The following RPS6KC1 variants were observed in gnomAD, a reference collection of about 807,000 sequenced individuals.
RPS6KC1 encodes ribosomal protein S6 kinase C1.
Under a neutral mutation model 103.8 loss-of-function variants are expected in RPS6KC1, and 54 were observed. The ratio of observed to expected loss-of-function variants is 0.52; its 90% confidence interval spans 0.42 to 0.65. RPS6KC1 has a LOEUF of 0.65. Among genes scored for constraint, RPS6KC1 ranks in the 30% least tolerant of loss-of-function variants. The pLI, the probability that RPS6KC1 is intolerant of heterozygous loss-of-function variation, is 0.00. For missense variants in RPS6KC1, 1,151 were observed against 1,253.8 expected (o/e 0.92, Z 1.24); for synonymous variants, 439 against 438.7 (o/e 1.00, Z -0.01).
chr1:213,563,740 A>C, the RPS6KC1 span, among the ~76,000 whole-genome samples: 1 of 152,110 alleles, frequency 6.6e-6, no homozygotes, highest in Non-Finnish European at 1.5e-5. Context: ...CTTGAATTCT[A>C]CCTGTCTTCC....
intron 8 of RPS6KC1, among the ~76,000 whole-genome samples, chr1:213,192,049 C>G (rs1490193316): frequency 2.0e-5 from 3 of 152,070 alleles, no homozygotes; most frequent in Non-Finnish European, 4.4e-5. Flanking sequence ...CCACTGCACC[C>G]AGCTGAGGTA....
chr1:213,351,852 A>G, the RPS6KC1 span, among the ~76,000 whole-genome samples: 1 of 152,170 alleles, frequency 6.6e-6, no homozygotes, highest in African/African-American at 2.4e-5. Context: ...GGATTTAACT[A>G]TCTACTTGAT....
the RPS6KC1 span, among the ~76,000 whole-genome samples, chr1:213,437,232 A>G: frequency 1.5e-4 from 23 of 152,090 alleles, no homozygotes; most frequent in African/African-American, 5.5e-4. Context: ...GGTGTTGGAT[A>G]TTATTAAATG....
chr1:213,784,662 C>T, the RPS6KC1 span, among the ~76,000 whole-genome samples: 7 of 152,136 alleles, frequency 4.6e-5, no homozygotes, highest in African/African-American at 7.2e-5. Context: ...CAGAACAATG[C>T]CCACATCTCT....
chr1:213,796,251 G>A, the RPS6KC1 span, among the ~76,000 whole-genome samples: 1 of 152,104 alleles, frequency 6.6e-6, no homozygotes, highest in East Asian at 1.9e-4. Flanking sequence ...AGTTCACAGC[G>A]GTCCATGACA....
At chr1:213,828,667 T>TA in the RPS6KC1 span, among the ~76,000 whole-genome samples, 3 of 152,134 alleles carry the variant, frequency 2.0e-5, no homozygotes, top group African/African-American at 7.2e-5. Context: ...AAAAAGATCT[T>TA]AGAGAAGTTG....
At chr1:213,575,499 C>G in the RPS6KC1 span, among the ~76,000 whole-genome samples, 60 of 152,174 alleles carry the variant, frequency 3.9e-4, no homozygotes, top group African/African-American at 1.3e-3. Context: ...AGTGAGTTCT[C>G]TTGAGATCTG....
chr1:213,401,374 G>T, the RPS6KC1 span, among the ~76,000 whole-genome samples: 1 of 152,316 alleles, frequency 6.6e-6, no homozygotes, highest in South Asian at 2.1e-4. Flanking sequence ...TAAAAGCCAG[G>T]TCTGTCTGCC....
intron 6 of RPS6KC1, among the ~76,000 whole-genome samples, chr1:213,159,501 A>G (rs2090248091): frequency 6.6e-6 from 1 of 152,242 alleles, no homozygotes; most frequent in Non-Finnish European, 1.5e-5. Context: ...CATTTGCTTA[A>G]AAAAGAGTTA....
At chr1:213,268,480 G>A (rs2094961638) in intron 14 of RPS6KC1, among the ~76,000 whole-genome samples, 1 of 150,694 alleles carries the variant, frequency 6.6e-6, no homozygotes, top group South Asian at 2.1e-4. Context: ...GTCCAAGGAG[G>A]AAATGAGGAA....
intron 4 of RPS6KC1, 134 bp downstream of exon 4, chr1:213,104,703 G>T: frequency 8.6e-5 from 34 of 394,858 alleles, no homozygotes; most frequent in South Asian, 1.8e-4. Context: ...CTATAATAAT[G>T]TTTATGGCAT....
At chr1:213,528,002 C>T in the RPS6KC1 span, among the ~76,000 whole-genome samples, 1 of 152,098 alleles carries the variant, frequency 6.6e-6, no homozygotes, top group South Asian at 2.1e-4. Flanking sequence ...TGTTGTCATC[C>T]CATTGAGTAG....
At chr1:213,853,915 C>A in the RPS6KC1 span, among the ~76,000 whole-genome samples, 875 of 152,296 alleles carry the variant, frequency 5.7e-3, 9 homozygotes, top group African/African-American at 0.02. Context: ...CCACAAATAA[C>A]CCTGGTTTGT....
chr1:213,509,385 A>G, the RPS6KC1 span, among the ~76,000 whole-genome samples: 1 of 152,126 alleles, frequency 6.6e-6, no homozygotes, highest in Non-Finnish European at 1.5e-5. Context: ...AGGCAAATAA[A>G]TTCCACTTTT....
chr1:213,248,650 G>A (rs1207189790), intron 12 of RPS6KC1, among the ~76,000 whole-genome samples: 2 of 150,484 alleles, frequency 1.3e-5, no homozygotes, highest in Non-Finnish European at 2.9e-5. Context: ...AAGATTAAAG[G>A]ATCACTTTAG....
At chr1:213,819,102 G>T in the RPS6KC1 span, 12 of 151,928 alleles carry the variant, frequency 7.9e-5, no homozygotes, top group African/African-American at 2.9e-4. Context: ...ACAACCACCT[G>T]GAAAATACAA....
At chr1:213,675,525 G>A in the RPS6KC1 span, among the ~76,000 whole-genome samples, 3 of 152,140 alleles carry the variant, frequency 2.0e-5, no homozygotes, top group Non-Finnish European at 4.4e-5. Context: ...GCTTATTTTT[G>A]TTGGTCTTAC....
chr1:213,682,402 C>T, the RPS6KC1 span, among the ~76,000 whole-genome samples: 1 of 152,206 alleles, frequency 6.6e-6, no homozygotes, highest in African/African-American at 2.4e-5. Flanking sequence ...ACGTCTTCTG[C>T]CAGGCACCCT....
chr1:213,798,028 G>A, the RPS6KC1 span, among the ~76,000 whole-genome samples: 18 of 152,228 alleles, frequency 1.2e-4, no homozygotes, highest in African/African-American at 3.6e-4. Flanking sequence ...AAGCCTGGGC[G>A]CCCCAGGGAG....
Sources: gnomAD v4.1 joint callset for allele counts (sites outside exome capture counted in the v4.1 genomes callset) on GRCh38, gnomAD v4.1.1 for gene constraint, MANE v1.5 for transcripts, NCBI Gene and HGNC (gene_info 2026-07-23, HGNC 2026-07-21) for gene names.